The following MCTP2 variants were observed in gnomAD, a reference collection of about 807,000 sequenced individuals.
The protein encoded by MCTP2 is multiple C2 and transmembrane domain containing 2.
A neutral mutation model predicts 111.6 loss-of-function variants in MCTP2; 132 were observed. That is an observed-to-expected ratio of 1.18 (90% confidence interval 1.03 to 1.37). The LOEUF (loss-of-function observed/expected upper bound fraction) is 1.37, where lower values mean the gene tolerates loss of function less well. Among genes scored for constraint, MCTP2 ranks in the 40% most tolerant of loss-of-function variants. The probability of loss-of-function intolerance (pLI) is 0.00; values close to 1 mark genes in which losing one functional copy is unlikely to be tolerated. For synonymous variants in MCTP2, 395 were observed against 387.7 expected, an observed-to-expected ratio of 1.02 and a Z score of -0.22; for missense variants, 1,183 against 1,067.9, an observed-to-expected ratio of 1.11 and a Z score of -1.50.
intron 20 of MCTP2, among the ~76,000 whole-genome samples, chr15:94,464,648 G>A (rs2073115106): frequency 6.6e-6 from 1 of 151,644 alleles, no homozygotes. Context: ...AAACATTTAA[G>A]GCTCTACAAT....
intron 20 of MCTP2, among the ~76,000 whole-genome samples, chr15:94,465,958 T>G (rs2073244021): frequency 6.6e-6 from 1 of 152,134 alleles, no homozygotes; most frequent in African/African-American, 2.4e-5. Flanking sequence ...CTGCCATCTG[T>G]TTCTTCTTTG....
chr15:94,270,740 C>CCTCAT (rs1227063399), intron 1 of MCTP2, among the ~76,000 whole-genome samples: 1 of 152,186 alleles, frequency 6.6e-6, no homozygotes, highest in Non-Finnish European at 1.5e-5. Context: ...ATTCTGCTTA[C>CCTCAT]CTCATCTAAG....
intron 17 of MCTP2, among the ~76,000 whole-genome samples, chr15:94,404,191 C>T (rs1308345444): frequency 6.6e-6 from 1 of 151,898 alleles, no homozygotes; most frequent in Non-Finnish European, 1.5e-5. Context: ...TTTTTTATTC[C>T]TATTATGATT....
intron 8 of MCTP2, among the ~76,000 whole-genome samples, chr15:94,350,630 G>A (rs1374933805): frequency 1.3e-5 from 2 of 152,198 alleles, no homozygotes; most frequent in South Asian, 2.1e-4. Flanking sequence ...CCTGGAGCAT[G>A]AGCTGTGTAC....
At chr15:94,323,253 ATGT>A (rs1208241891) in intron 4 of MCTP2, among the ~76,000 whole-genome samples, 9 of 152,164 alleles carry the variant, frequency 5.9e-5, no homozygotes, top group Admixed American at 2.0e-4. Flanking sequence ...GAAAGGGGTA[ATGT>A]TGTATAGTTG....
intron 17 of MCTP2, among the ~76,000 whole-genome samples, chr15:94,408,666 T>G (rs2082014910): frequency 6.6e-6 from 1 of 152,232 alleles, no homozygotes; most frequent in African/African-American, 2.4e-5. Context: ...CTGTTAAAAA[T>G]TTAAAAGGAC....
chr15:94,453,792 A>G (rs865870215), intron 19 of MCTP2, among the ~76,000 whole-genome samples: 2 of 152,330 alleles, frequency 1.3e-5, no homozygotes, highest in Middle Eastern at 3.4e-3. Flanking sequence ...TGACTTGATC[A>G]TGTCACTGAC....
chr15:94,329,610 G>A (rs1377249483), intron 4 of MCTP2, among the ~76,000 whole-genome samples: 3 of 152,134 alleles, frequency 2.0e-5, no homozygotes, highest in Non-Finnish European at 4.4e-5. Context: ...AGTACCAACA[G>A]GGATGATGCA....
intron 1 of MCTP2, among the ~76,000 whole-genome samples, chr15:94,290,166 G>T (rs1182052282): frequency 1.3e-5 from 2 of 151,642 alleles, no homozygotes; most frequent in Non-Finnish European, 2.9e-5. Context: ...AAAAAAAAAT[G>T]CATTCTTGTC....
chr15:94,302,486 A>AT (rs2075665716), intron 2 of MCTP2, among the ~76,000 whole-genome samples: 1 of 152,218 alleles, frequency 6.6e-6, no homozygotes, highest in East Asian at 1.9e-4. Context: ...AGCCTAAAAT[A>AT]TTGCAAATGC....
chr15:94,376,118 C>T (rs8025603), intron 12 of MCTP2, among the ~76,000 whole-genome samples: 53,874 of 152,046 alleles, frequency 0.35, 10,275 homozygotes, highest in African/African-American at 0.49. Flanking sequence ...ACCTTTGAAA[C>T]AGATGGAGAC....
In MCTP2 at chr15:94,345,311, C is replaced by T. The variant is rs533754857; in HGVS notation, c.1005+147C>T. On this transcript the variant is annotated intron_variant, in intron 8 of 22. Transcript: ENST00000357742. Reference sequence around the variant, plus strand: ...ACTGCTGTTACGAATAAGAAAACAACCTTCCTTTAAAAATTTTATTTAATA... The same window carrying T: ...ACTGCTGTTACGAATAAGAAAACAATCTTCCTTTAAAAATTTTATTTAATA... 2.3e-4 allele frequency: 173 copies of T among 744,164 alleles called. No homozygotes were observed. In the African/African-American group the frequency reaches 2.9e-3, roughly 12 times the overall value. 46.1% of individuals were successfully genotyped at this position (744,164 alleles called of 1,614,324 possible). A position where few individuals can be genotyped will look rare whatever the true frequency, so the allele number is the denominator to read the frequency against.
intron 1 of MCTP2, among the ~76,000 whole-genome samples, chr15:94,244,676 A>G (rs939591948): frequency 2.0e-5 from 3 of 146,758 alleles, no homozygotes; most frequent in African/African-American, 7.8e-5. Flanking sequence ...ATATCCACCT[A>G]TGTTTATATA....
intron 14 of MCTP2, among the ~76,000 whole-genome samples, chr15:94,396,135 A>G (rs1438627321): frequency 6.6e-6 from 1 of 152,194 alleles, no homozygotes; most frequent in Non-Finnish European, 1.5e-5. Flanking sequence ...ACTGAAGTTA[A>G]AGACATCATT....
chr15:94,244,150 A>G (rs2071474924), intron 1 of MCTP2, among the ~76,000 whole-genome samples: 1 of 145,372 alleles, frequency 6.9e-6, no homozygotes, highest in African/African-American at 2.6e-5. Context: ...ATATGTGTAT[A>G]TGTTTATATA....
chr15:94,308,601 C>G (rs1035704526), intron 2 of MCTP2, among the ~76,000 whole-genome samples: 7 of 152,160 alleles, frequency 4.6e-5, no homozygotes, highest in Admixed American at 1.3e-4. Context: ...GTACAAGCAA[C>G]CATTTTTTAA....
Position 94,244,434 on chromosome 15 carries a change from CTA to C in MCTP2, c.-66+12772_-66+12773del, listed in dbSNP as rs570699198. 5.2e-4 allele frequency among the ~76,000 whole-genome samples: 76 copies of C among 146,268 alleles called. 1 individual carries two copies. Among genetic ancestry groups the C allele is most frequent in the African/African-American group, 1.8e-3 (71 of 39,612 alleles). On this transcript the variant is annotated intron_variant, in intron 1 of 22. Coordinates refer to ENST00000357742, the MANE Select transcript of MCTP2 (RefSeq NM_001385001.1). ...TATATGTATACACATACATATGCAC[CTA>C]TGTTTATATACGTATATGTATACAC...
At chr15:94,393,129 A>T (rs2081089108) in intron 14 of MCTP2, among the ~76,000 whole-genome samples, 1 of 152,236 alleles carries the variant, frequency 6.6e-6, no homozygotes, top group Non-Finnish European at 1.5e-5. Flanking sequence ...AAGAAAATTC[A>T]TAGAAAACAT....
chr15:94,361,505 C>T (rs1056671662), intron 10 of MCTP2, among the ~76,000 whole-genome samples: 1 of 152,134 alleles, frequency 6.6e-6, no homozygotes, highest in South Asian at 2.1e-4. Context: ...CGCCAACTGG[C>T]AGGGTCATCA....
Sources: allele counts gnomAD v4.1 joint callset (sites outside exome capture counted in the v4.1 genomes callset), GRCh38; gene constraint gnomAD v4.1.1; transcripts MANE v1.5; gene names NCBI Gene and HGNC (gene_info 2026-07-23, HGNC 2026-07-21).